The following TRIM35 variants were observed in gnomAD, a reference collection of about 807,000 sequenced individuals.
TRIM35 encodes E3 ubiquitin-protein ligase TRIM35.
In TRIM35, 37 loss-of-function variants were observed where a neutral mutation model predicts 49.1. That is an observed-to-expected ratio of 0.75 (90% CI 0.58 to 0.99). The LOEUF is 0.99. TRIM35 is among the 50% of genes least tolerant of loss of function. TRIM35 has a pLI of 0.00. For missense variants in TRIM35, 648 were observed against 702.7 expected (o/e 0.92, Z 0.88); for synonymous variants, 302 against 289.3 (o/e 1.04, Z -0.45).
chr8:27,304,331 C>G, intron 1 of TRIM35, among the ~76,000 whole-genome samples: 1 of 152,226 alleles, frequency 6.6e-6, no homozygotes, highest in East Asian at 1.9e-4. Context: ...CTGGCCTGAG[C>G]CAGGTTTTCT....
At position 27,285,856 on chromosome 8, in the gene TRIM35, G is replaced by T. The variant is rs186906901; in HGVS notation, c.*1694C>A. 5.9e-4 allele frequency: 152 copies of T among 259,386 alleles called. No individual in the cohort carries two copies. Among genetic ancestry groups the T allele is most frequent in the African/African-American group, 3.0e-3 (136 of 44,632 alleles). The allele number at this position is 259,386 out of a possible 1,614,324, so 16.1% of individuals were successfully genotyped here. A position where few individuals can be genotyped will look rare whatever the true frequency, so the allele number is the denominator to read the frequency against. The stretch of plus-strand genomic sequence containing the variant: ...GACACTTTGGCTCCCAAAGGGCTTG[G>T]AGCTTTTGTGAGGCTGAGCATCTTC... On this transcript the variant is annotated 3_prime_UTR_variant, in exon 6 of 6. Coordinates refer to ENST00000305364, the MANE Select transcript of TRIM35 (RefSeq NM_171982.5).
In TRIM35 at chr8:27,287,955, C is replaced by A; in HGVS notation, c.1077G>T (p.Glu359Asp). The A allele has an allele frequency of 6.2e-7, 1 of 1,613,212 alleles. No individual in the cohort carries two copies. The highest frequency in any genetic ancestry group is 8.5e-7 in the Non-Finnish European group (1 of 1,179,894). Residue 359 changes from glutamate (E) to aspartate (D), a missense_variant, in exon 6 of 6, where the codon GAG becomes GAT. Transcript: ENST00000305364. The surrounding 1 kb of genome is among the most constrained non-coding windows in gnomAD (Gnocchi z 6.0). ...AGCTCTGCAGCCCCCCAAGGGCCAC[C>A]TCCCAGGCGTGCGAGCCCTGTGAGA... ...RVFSQGSHAW[E>D]VALGGLQSWR...
intron 1 of TRIM35, among the ~76,000 whole-genome samples, chr8:27,303,379 A>C (rs1802718038): frequency 6.6e-6 from 1 of 151,086 alleles, no homozygotes; most frequent in South Asian, 2.1e-4. Context: ...TTTTTATTCC[A>C]TTTTCCCCTT....
At chr8:27,293,374 CT>C (rs879879246) in intron 3 of TRIM35, among the ~76,000 whole-genome samples, 21 of 152,060 alleles carry the variant, frequency 1.4e-4, no homozygotes, top group Admixed American at 1.1e-3. Flanking sequence ...ATGAATAATA[CT>C]GTTTTTTTAA....
chr8:27,299,662 G>A (rs1020246175), intron 1 of TRIM35, among the ~76,000 whole-genome samples: 9 of 152,172 alleles, frequency 5.9e-5, no homozygotes, highest in Middle Eastern at 3.2e-3. Flanking sequence ...TAAATGTCGG[G>A]GTGACTGGAT....
At chr8:27,305,980 G>A (rs1481139308) in intron 1 of TRIM35, among the ~76,000 whole-genome samples, 2 of 152,118 alleles carry the variant, frequency 1.3e-5, no homozygotes, top group Middle Eastern at 3.2e-3. Context: ...GGGACTACAG[G>A]TATGTGCCAC....
chr8:27,295,422 T>C (rs141907783), intron 2 of TRIM35, among the ~76,000 whole-genome samples: 277 of 152,312 alleles, frequency 1.8e-3, no homozygotes, highest in African/African-American at 6.2e-3. Flanking sequence ...GAAAGTTAAA[T>C]ACAGATGCTC....
In TRIM35 at chr8:27,286,436, T is replaced by C; in HGVS notation, c.*1114A>G. ...TCCCAACTGAAAAGGGTGCCCTCTTTCCTTCTTTTCTGCAGACGCTGATGA... is the reference window on the plus strand; with the variant it reads ...TCCCAACTGAAAAGGGTGCCCTCTTCCCTTCTTTTCTGCAGACGCTGATGA... On this transcript the variant is annotated 3_prime_UTR_variant, in exon 6 of 6. Coordinates refer to ENST00000305364, the MANE Select transcript of TRIM35 (RefSeq NM_171982.5). 3.7e-6 allele frequency: 1 copy of C among 273,654 alleles called. No homozygotes were observed. Among genetic ancestry groups the C allele is most frequent in the Non-Finnish European group, 7.3e-6 (1 of 136,876 alleles). The allele number at this position is 273,654 out of a possible 1,614,324, so 17.0% of individuals were successfully genotyped here.
Position 27,287,710 on chromosome 8 carries a change from A to T in TRIM35, c.1322T>A (p.Phe441Tyr), listed in dbSNP as rs746549053. The change falls in exon 6 of 6, where the codon TTC becomes TAC. Residue 441 changes from phenylalanine (F) to tyrosine (Y), a missense_variant. By Grantham distance (22) the Phe-to-Tyr change is conservative. Transcript: ENST00000305364. The surrounding 1 kb of genome is among the most constrained non-coding windows in gnomAD (Gnocchi z 6.0). ...ELECEEGELS[F>Y]YDAERHCHLY... is the part of the protein sequence containing the mutation. ...GTGGCAGTGGCGCTCCGCGTCATAG[A>T]AAGACAGCTCGCCCTCCTCACACTC... The T allele has an allele frequency of 6.2e-7, 1 of 1,610,644 alleles. No homozygotes were observed. Among genetic ancestry groups the T allele is most frequent in the Admixed American group, 1.7e-5 (1 of 59,474 alleles).
Position 27,294,158 on chromosome 8 carries a change from T to C in TRIM35, c.684A>G (p.Thr228=), listed in dbSNP as rs773192158. ...CATGTGCCAGCACCTCCGTCTCCTC[T>C]GTGAGCTGCTTCATCTTCTCGTCGG... is the stretch of plus-strand genomic sequence containing the variant. ...LLADEKMKQL[T]EETEVLAHEI... is the part of the protein sequence containing the mutation. The change falls in exon 3 of 6, where the codon ACA becomes ACG. Residue 228 remains threonine, a synonymous_variant. Transcript: ENST00000305364. 4.3e-6 allele frequency: 7 copies of C among 1,614,120 alleles called. No individual in the cohort carries two copies. The highest frequency in any genetic ancestry group is 3.3e-4 in the Middle Eastern group (2 of 6,084).
At chr8:27,290,880 T>C (rs933166292) in intron 3 of TRIM35, among the ~76,000 whole-genome samples, 2 of 151,982 alleles carry the variant, frequency 1.3e-5, no homozygotes, top group Non-Finnish European at 2.9e-5. Context: ...TCAACAGTAA[T>C]CAAGATAGTA....
Position 27,286,292 on chromosome 8 carries a change from G to T in TRIM35, c.*1258C>A. ...GAAATTAGGGATGAAATCGCAAGTG[G>T]CAGAGCAAGCATGACCAGGCTGAAG... is the stretch of plus-strand genomic sequence containing the variant. On this transcript the variant is annotated 3_prime_UTR_variant, in exon 6 of 6. Transcript: ENST00000305364. 2 of 414,980 alleles carry T rather than the reference G, an allele frequency of 4.8e-6. No homozygotes were observed. The highest frequency in any genetic ancestry group is 4.8e-6 in the Non-Finnish European group (1 of 206,564). The allele number at this position is 414,980 out of a possible 1,614,324, so 25.7% of individuals were successfully genotyped here. A position where few individuals can be genotyped will look rare whatever the true frequency, so the allele number is the denominator to read the frequency against.
chr8:27,304,761 C>T (rs1021138543), intron 1 of TRIM35: 2 of 448,302 alleles, frequency 4.5e-6, no homozygotes, highest in African/African-American at 4.0e-5. Flanking sequence ...TGCTATATAC[C>T]TTGCCTCCTG....
intron 1 of TRIM35, among the ~76,000 whole-genome samples, chr8:27,299,556 T>C (rs1292352145): frequency 6.6e-6 from 1 of 152,168 alleles, no homozygotes; most frequent in Non-Finnish European, 1.5e-5. Context: ...ACAGCTAGTA[T>C]GTGGAAGGAC....
intron 4 of TRIM35, among the ~76,000 whole-genome samples, chr8:27,289,556 C>A (rs1433263367): frequency 6.6e-6 from 1 of 152,224 alleles, no homozygotes; most frequent in Non-Finnish European, 1.5e-5. Context: ...GCCATCCTTG[C>A]AGGCAGAAAT....
chr8:27,306,329 C>CT (rs35352785), intron 1 of TRIM35, among the ~76,000 whole-genome samples: 62,748 of 141,692 alleles, frequency 0.44, 14,169 homozygotes, highest in African/African-American at 0.48. Context: ...TTTTTTCTTT[C>CT]TTTTTTTTTT....
At chr8:27,294,044 G>T in intron 3 of TRIM35, 36 bp downstream of exon 3, 1 of 1,597,782 alleles carries the variant, frequency 6.3e-7, no homozygotes, top group South Asian at 1.1e-5. Context: ...TGGAACATGT[G>T]GCCCTGTCAC....
In TRIM35 at chr8:27,294,314, C is replaced by T. The variant is rs749052080; in HGVS notation, c.532-4G>A. The T allele has an allele frequency of 2.4e-5, 38 of 1,612,244 alleles. No homozygotes were observed. Among genetic ancestry groups the T allele is most frequent in the African/African-American group, 1.6e-4 (12 of 74,920 alleles). ...CTTCCAGCCATGCAGCCTCCACCTA[C>T]GGAAGACAGCAGGAGGAGTCAGGGG... On this transcript the variant is annotated splice_region_variant and splice_polypyrimidine_tract_variant and intron_variant, in intron 2 of 5. Coordinates refer to ENST00000305364, the MANE Select transcript of TRIM35 (RefSeq NM_171982.5).
chr8:27,302,629 A>T lies in TRIM35; in HGVS notation c.436-4070T>A, dbSNP rs539013344. On this transcript the variant is annotated intron_variant, in intron 1 of 5. Transcript: ENST00000305364. ...GACTATGTTGTGCAAGCTGGTCTGA[A>T]ACTCCTTGGCTCAAACGATCCTCCT... Among the ~76,000 whole-genome samples the T allele has an allele frequency of 3.3e-5, 5 of 152,176 alleles. No individual in the cohort carries two copies. The South Asian group carries it at 1.0e-3, about 32-fold the overall frequency.
Sources: gnomAD v4.1 joint callset for allele counts (sites outside exome capture counted in the v4.1 genomes callset) on GRCh38, gnomAD v4.1.1 for gene constraint, Gnocchi (gnomAD v3.1) non-coding constraint, MANE v1.5 for transcripts, NCBI Gene and HGNC (gene_info 2026-07-23, HGNC 2026-07-21) for gene names.